The following LARP1B variants were observed in gnomAD, a reference collection of about 807,000 sequenced individuals.
LARP1B encodes the protein la-related protein 1B.
In LARP1B, 76 loss-of-function variants were observed where a neutral mutation model predicts 114.2. That is an observed-to-expected ratio of 0.67 (90% CI 0.55 to 0.81). The LOEUF (loss-of-function observed/expected upper bound fraction) is 0.81. LARP1B is among the 30% of genes least tolerant of loss of function. LARP1B has a pLI of 0.00. For missense variants in LARP1B, 1,014 were observed against 1,075.8 expected, an observed-to-expected ratio of 0.94 and a Z score of 0.80; for synonymous variants, 345 against 348.0, an observed-to-expected ratio of 0.99 and a Z score of 0.10.
downstream of LARP1B, among the ~76,000 whole-genome samples, chr4:128,216,586 T>C (rs1380898097): frequency 2.7e-4 from 40 of 150,518 alleles, no homozygotes; most frequent in Admixed American, 2.7e-3. Flanking sequence ...AAGATGTTCT[T>C]TGAAACCAAC....
rs550805785 is a variant in LARP1B, at chr4:128,188,698, C to T, written c.2003+9186C>T. 9.2e-5 allele frequency among the ~76,000 whole-genome samples: 14 copies of T among 152,226 alleles called. No homozygotes were observed. The East Asian group carries it at 2.5e-3, about 27-fold the overall frequency. On this transcript the variant is annotated intron_variant, in intron 15 of 19. Transcript: ENST00000326639. ...TCATAGGTTTTGGAAAGTTACGTTT[C>T]CATTTGCATTTGTTTGAAGACATTT...
chr4:128,191,231 G>A (rs748462421), intron 15 of LARP1B, among the ~76,000 whole-genome samples: 1 of 151,804 alleles, frequency 6.6e-6, no homozygotes, highest in Non-Finnish European at 1.5e-5. Flanking sequence ...CTTGATCTGA[G>A]ACCTCACACA....
Position 128,068,829 on chromosome 4 carries a change from T to C in LARP1B, c.-77-5631T>C, listed in dbSNP as rs534631496. ...AAAGCAAAGACAAAAAAGTTTATCTTATTAGAAGGAAGATACACCATCACT... is the reference window on the plus strand; with the variant it reads ...AAAGCAAAGACAAAAAAGTTTATCTCATTAGAAGGAAGATACACCATCACT... On this transcript the variant is annotated intron_variant, in intron 1 of 19. Transcript: ENST00000326639. Among the ~76,000 whole-genome samples the C allele has an allele frequency of 2.4e-4, 36 of 152,320 alleles. No homozygotes were observed. In the South Asian group the frequency reaches 7.3e-3, roughly 31 times the overall value.
chr4:128,200,430 G>T, intron 16 of LARP1B, 91 bp from the exon 17 acceptor site: 1 of 857,748 alleles, frequency 1.2e-6, no homozygotes. Context: ...GATTAATATG[G>T]TTGAGCTTTC....
intron 10 of LARP1B, among the ~76,000 whole-genome samples, chr4:128,117,058 T>G (rs1047032642): frequency 3.3e-5 from 5 of 151,770 alleles, no homozygotes; most frequent in African/African-American, 1.2e-4. Context: ...ACTATAGGTG[T>G]GTGCTATCAT....
chr4:128,098,763 ATATATTTTTTTTT>A (rs1779097824), intron 8 of LARP1B, among the ~76,000 whole-genome samples: 1 of 35,506 alleles, frequency 2.8e-5, no homozygotes, highest in Admixed American at 4.0e-4. Context: ...ATATATATAT[ATATATTTTTTTTT>A]TTTTTTTTTT....
intron 4 of LARP1B, among the ~76,000 whole-genome samples, chr4:128,081,866 C>G (rs190896632): frequency 1.8e-4 from 28 of 152,326 alleles, no homozygotes; most frequent in African/African-American, 6.7e-4. Context: ...TCCCGAGTAG[C>G]TGGGATTACT....
intron 15 of LARP1B, among the ~76,000 whole-genome samples, chr4:128,187,155 G>A (rs563629422): frequency 2.0e-5 from 3 of 152,336 alleles, no homozygotes; most frequent in South Asian, 4.1e-4. Flanking sequence ...CCCCACTGGG[G>A]CACTGCCTAG....
At chr4:128,196,297 A>G (rs1007266919) in intron 15 of LARP1B, among the ~76,000 whole-genome samples, 1 of 150,844 alleles carries the variant, frequency 6.6e-6, no homozygotes, top group African/African-American at 2.4e-5. Context: ...AAAAGGGAAA[A>G]AAAAAAACCC....
intron 12 of LARP1B, among the ~76,000 whole-genome samples, chr4:128,173,290 A>G (rs994466331): frequency 2.0e-5 from 3 of 152,194 alleles, no homozygotes; most frequent in Non-Finnish European, 4.4e-5. Flanking sequence ...CTACAAAAGC[A>G]GAGCTGAGCT....
intron 7 of LARP1B, among the ~76,000 whole-genome samples, chr4:128,095,789 C>G (rs992881854): frequency 6.6e-6 from 1 of 151,938 alleles, no homozygotes; most frequent in African/African-American, 2.4e-5. Context: ...AAAATGTGAG[C>G]TGGTTTGTTT....
At chr4:128,096,139 G>A (rs558600860) in intron 7 of LARP1B, among the ~76,000 whole-genome samples, 4 of 152,066 alleles carry the variant, frequency 2.6e-5, no homozygotes, top group South Asian at 4.1e-4. Flanking sequence ...CACTACAGGC[G>A]CCCGCCACCT....
chr4:128,125,763 A>G (rs1237851430), intron 11 of LARP1B, among the ~76,000 whole-genome samples: 1 of 152,116 alleles, frequency 6.6e-6, no homozygotes, highest in African/African-American at 2.4e-5. Flanking sequence ...AAAAACAAAA[A>G]CAAAAACAAA....
intron 15 of LARP1B, among the ~76,000 whole-genome samples, chr4:128,189,536 T>C (rs991711932): frequency 3.3e-5 from 5 of 152,026 alleles, no homozygotes; most frequent in Admixed American, 3.3e-4. Flanking sequence ...TTATTATTGA[T>C]AGATAAGGAC....
chr4:128,157,413 G>GAA (rs1296289188), intron 11 of LARP1B, among the ~76,000 whole-genome samples: 1 of 152,178 alleles, frequency 6.6e-6, no homozygotes, highest in Non-Finnish European at 1.5e-5. Context: ...GGGGAAGAGA[G>GAA]AGAGAATAAA....
intron 11 of LARP1B, chr4:128,123,258 G>C (rs1207852960): frequency 1.0e-6 from 1 of 985,290 alleles, no homozygotes; most frequent in Non-Finnish European, 1.2e-6. Flanking sequence ...GTGACTTAGA[G>C]CCTTAGCAGT....
At chr4:128,175,447 C>T (rs575730634) in intron 12 of LARP1B, among the ~76,000 whole-genome samples, 1 of 152,228 alleles carries the variant, frequency 6.6e-6, no homozygotes, top group South Asian at 2.1e-4. Context: ...TAGATTTCCT[C>T]TATTTCAGTA....
At chr4:128,089,400 G>T (rs1201093121) in intron 5 of LARP1B, among the ~76,000 whole-genome samples, 1 of 152,080 alleles carries the variant, frequency 6.6e-6, no homozygotes, top group Non-Finnish European at 1.5e-5. Flanking sequence ...CAGTGGCGAG[G>T]TCTCGGCTCA....
At chr4:128,093,131 C>G (rs1375792445) in intron 7 of LARP1B, 1 of 682,514 alleles carries the variant, frequency 1.5e-6, no homozygotes, top group African/African-American at 2.0e-5. Flanking sequence ...GGGATTTTGG[C>G]AAATGTTAGT....
Sources: gnomAD v4.1 joint callset for allele counts (sites outside exome capture counted in the v4.1 genomes callset) on GRCh38, gnomAD v4.1.1 for gene constraint, MANE v1.5 for transcripts, NCBI Gene and HGNC (gene_info 2026-07-23, HGNC 2026-07-21) for gene names.